Variants in JADE3 observed in about 807,000 individuals in gnomAD.
JADE3 encodes jade family PHD finger 3.
A neutral mutation model predicts 50.1 loss-of-function variants in JADE3; 2 were observed. That is an observed-to-expected ratio of 0.04 (90% CI 0.02 to 0.13). JADE3 has a LOEUF of 0.13. JADE3 is among the 10% of genes least tolerant of loss of function. JADE3 has a pLI of 1.00. For synonymous variants in JADE3, 218 were observed against 232.9 expected (o/e 0.94, Z 0.58); for missense variants, 475 against 634.4 (o/e 0.75, Z 2.70).
intron 1 of JADE3, among the ~76,000 whole-genome samples, chrX:46,938,684 A>G (rs1205413298): frequency 5.3e-5 from 6 of 112,522 alleles, no homozygotes; most frequent in Non-Finnish European, 9.4e-5. Context: ...TTGTCTGAAG[A>G]ACATCCTCTA....
In JADE3 at chrX:47,004,913, C is replaced by T. The variant is rs782253087; in HGVS notation, c.284+6636C>T. ...ATTTTAAAATTCAATCTTGGCTAGA[C>T]TTCTACTTCCAAAAAGATGGAGTAG... On this transcript the variant is annotated intron_variant, in intron 4 of 10. Transcript: ENST00000614628. Among the ~76,000 whole-genome samples, 18 of 112,324 alleles carry T rather than the reference C, an allele frequency of 1.6e-4. No homozygotes were observed. The East Asian group carries it at 3.6e-3, about 23-fold the overall frequency.
intron 10 of JADE3, among the ~76,000 whole-genome samples, chrX:47,056,428 T>C (rs1929633893): frequency 9.0e-6 from 1 of 111,492 alleles, no homozygotes; most frequent in African/African-American, 3.3e-5. Flanking sequence ...CTAGGGCAGG[T>C]AATCTAGGTC....
chrX:47,028,953 T>A (rs1159805165), intron 6 of JADE3, among the ~76,000 whole-genome samples: 1 of 111,646 alleles, frequency 9.0e-6, no homozygotes, highest in African/African-American at 3.3e-5. Context: ...TTGAACTCCC[T>A]TACCCTAAGT....
In JADE3 at chrX:47,028,106, T is replaced by C; in HGVS notation, c.687+3T>C. On this transcript the variant is annotated splice_donor_region_variant and intron_variant, in intron 6 of 10. Transcript: ENST00000614628. ...AGTGTAACGTCTGTGTGCATCAGGT[T>C]AGTGAGAGTGGAGACCGTCATCTCC... The C allele has an allele frequency of 8.5e-7, 1 of 1,176,943 alleles. No homozygotes were observed. The highest frequency in any genetic ancestry group is 1.8e-5 in the South Asian group (1 of 55,608).
chrX:47,000,946 T>C (rs185222070), intron 4 of JADE3, among the ~76,000 whole-genome samples: 17 of 112,103 alleles, frequency 1.5e-4, no homozygotes, highest in Non-Finnish European at 2.8e-4. Context: ...CAGTGCTCTA[T>C]TATTTGTTCC....
intron 1 of JADE3, among the ~76,000 whole-genome samples, chrX:46,984,375 G>A (rs782085650): frequency 1.8e-5 from 2 of 112,426 alleles, no homozygotes; most frequent in African/African-American, 6.4e-5. Flanking sequence ...GACAGGAAGA[G>A]AGTGAGAGAG....
chrX:47,021,215 G>A (rs1444187148), intron 4 of JADE3, among the ~76,000 whole-genome samples: 3 of 111,680 alleles, frequency 2.7e-5, no homozygotes, highest in African/African-American at 9.8e-5. Flanking sequence ...GACTCCTACA[G>A]TGTAGTCATT....
chrX:47,021,532 T>C (rs183344176), intron 4 of JADE3, among the ~76,000 whole-genome samples: 1 of 111,743 alleles, frequency 8.9e-6, no homozygotes, highest in Non-Finnish European at 1.9e-5. Context: ...AAAGTGGTTG[T>C]TCAAATTCAC....
At chrX:46,914,200 T>A (rs1450594354) in intron 1 of JADE3, among the ~76,000 whole-genome samples, 1 of 112,089 alleles carries the variant, frequency 8.9e-6, no homozygotes, top group Non-Finnish European at 1.9e-5. Context: ...TAGCCACTTC[T>A]TGTCAGCCTA....
At chrX:46,985,231 C>T (rs1462823800) in intron 2 of JADE3, among the ~76,000 whole-genome samples, 1 of 111,575 alleles carries the variant, frequency 9.0e-6, no homozygotes, top group Non-Finnish European at 1.9e-5. Flanking sequence ...AGTACAAGAG[C>T]ATAAATTGTA....
chrX:47,000,666 C>A (rs1263217231), intron 4 of JADE3, among the ~76,000 whole-genome samples: 1 of 111,291 alleles, frequency 9.0e-6, no homozygotes, highest in Non-Finnish European at 1.9e-5. Flanking sequence ...GATTCTCATG[C>A]CTCAGCCACT....
chrX:47,011,719 T>C lies in JADE3; in HGVS notation c.285-13005T>C, dbSNP rs193140162. Among the ~76,000 whole-genome samples, 632 of 112,273 alleles carry C rather than the reference T, an allele frequency of 5.6e-3. 2 individuals carry two copies. The highest frequency in any genetic ancestry group is 0.025 in the South Asian group (67 of 2,669). On this transcript the variant is annotated intron_variant, in intron 4 of 10. Transcript: ENST00000614628. The stretch of plus-strand genomic sequence containing the variant: ...CTTGTTATTGTCTGTCTTTTTGTTA[T>C]AGCCTTTCTAGTGGGTATGAAGTGT...
At chrX:47,018,799 G>A (rs1400166907) in intron 4 of JADE3, among the ~76,000 whole-genome samples, 4 of 111,818 alleles carry the variant, frequency 3.6e-5, no homozygotes, top group Admixed American at 2.9e-4. Flanking sequence ...GGGCACAGTG[G>A]AGATGGCTTC....
intron 1 of JADE3, among the ~76,000 whole-genome samples, chrX:46,919,583 G>C (rs1926177403): frequency 8.9e-6 from 1 of 111,843 alleles, no homozygotes; most frequent in African/African-American, 3.3e-5. Context: ...TGGGGCATCA[G>C]CCTTTGACCT....
At chrX:46,988,348 G>A (rs1292260799) in intron 3 of JADE3, among the ~76,000 whole-genome samples, 2 of 110,538 alleles carry the variant, frequency 1.8e-5, no homozygotes, top group African/African-American at 3.3e-5. Context: ...TGTTTTGCAG[G>A]TGATGAGGCT....
Position 47,056,147 on chromosome X carries a change from G to A in JADE3, c.1509G>A (p.Gln503=), listed in dbSNP as rs782477172. Residue 503 remains glutamine (Q), a synonymous_variant, in exon 10 of 11, where the codon CAG becomes CAA. Coordinates refer to ENST00000614628, the MANE Select transcript of JADE3 (RefSeq NM_014735.5). ...TGAAGCTGTCACACAACAAAATACA[G>A]GAACAGATCTTCGGTTTGCAAGTCC... ...EKLKLSHNKI[Q]EQIFGLQVQL... 8.3e-7 allele frequency: 1 copy of A among 1,206,712 alleles called. No homozygotes were observed. The highest frequency in any genetic ancestry group is 1.8e-5 in the South Asian group (1 of 56,496).
At chrX:46,996,123 G>A (rs1391259441) in intron 3 of JADE3, among the ~76,000 whole-genome samples, 2 of 111,832 alleles carry the variant, frequency 1.8e-5, no homozygotes, top group South Asian at 3.7e-4. Context: ...TGCAGCCTCC[G>A]CCTCCTGGGT....
intron 1 of JADE3, among the ~76,000 whole-genome samples, chrX:46,914,890 C>G (rs1243627583): frequency 8.9e-6 from 1 of 112,109 alleles, no homozygotes; most frequent in Non-Finnish European, 1.9e-5. Context: ...AGGGGAGATT[C>G]CCAGGAGCAG....
chrX:47,057,536 A>T (rs1281195160), intron 10 of JADE3, among the ~76,000 whole-genome samples: 2 of 111,176 alleles, frequency 1.8e-5, no homozygotes, highest in Admixed American at 9.6e-5. Flanking sequence ...TGGCCTTACC[A>T]CTACAAAACC....
Sources: gnomAD v4.1 joint callset for allele counts (sites outside exome capture counted in the v4.1 genomes callset) on GRCh38, gnomAD v4.1.1 for gene constraint, MANE v1.5 for transcripts, NCBI Gene and HGNC (gene_info 2026-07-23, HGNC 2026-07-21) for gene names.